Variants in DDX4 observed in about 807,000 individuals in gnomAD.
The protein encoded by DDX4 is probable ATP-dependent RNA helicase DDX4.
DDX4 carries 25 observed loss-of-function variants against 100.0 expected under a neutral mutation model. The ratio of observed to expected loss-of-function variants is 0.25; its 90% CI spans 0.18 to 0.35. The LOEUF (loss-of-function observed/expected upper bound fraction) is 0.35, where lower values mean the gene tolerates loss of function less well. Among genes scored for constraint, DDX4 ranks in the 10% least tolerant of loss-of-function variants. DDX4 has a pLI of 1.00. For synonymous variants in DDX4, 259 were observed against 275.7 expected (o/e 0.94, Z 0.60); for missense variants, 635 against 882.4 (o/e 0.72, Z 3.55).
At chr5:55,808,614 G>A (rs531732200) in intron 18 of DDX4, among the ~76,000 whole-genome samples, 8 of 152,316 alleles carry the variant, frequency 5.3e-5, no homozygotes, top group African/African-American at 1.2e-4. Flanking sequence ...TATCAGCAGC[G>A]GAGGCTGCAG....
At chr5:55,742,499 A>G (rs1014657145) in intron 2 of DDX4, among the ~76,000 whole-genome samples, 1 of 152,238 alleles carries the variant, frequency 6.6e-6, no homozygotes, top group East Asian at 1.9e-4. Context: ...AGATAAGAAA[A>G]TAAACATATA....
intron 18 of DDX4, among the ~76,000 whole-genome samples, chr5:55,800,762 G>A (rs1259360533): frequency 3.3e-5 from 5 of 152,092 alleles, no homozygotes; most frequent in African/African-American, 4.8e-5. Context: ...ATATACTTCT[G>A]TATTATTTAA....
At chr5:55,765,407 A>ATATATAT (rs1225727462) in intron 6 of DDX4, among the ~76,000 whole-genome samples, 22 of 92,930 alleles carry the variant, frequency 2.4e-4, no homozygotes, top group Non-Finnish European at 3.9e-4. Context: ...AAAAAAAAAA[A>ATATATAT]AAAAAAATAT....
Position 55,785,862 on chromosome 5 carries a change from A to T in DDX4, c.855A>T (p.Pro285=). 3.1e-6 allele frequency: 5 copies of T among 1,609,286 alleles called. No homozygotes were observed. The highest frequency in any genetic ancestry group is 4.3e-6 in the Non-Finnish European group (5 of 1,175,716). The part of the protein sequence containing the change: ...LVEVSGHDAP[P]AILTFEEANL... The stretch of plus-strand genomic sequence containing the variant: ...AAGTGTCTGGACATGATGCACCACC[A>T]GCAATTCTGGTCAGTGTATTAATTG... The change falls in exon 13 of 22, where the codon CCA becomes CCT. Residue 285 remains proline, a synonymous_variant. Coordinates refer to ENST00000505374, the MANE Select transcript of DDX4 (RefSeq NM_024415.3).
chr5:55,809,284 C>T (rs1218108941), intron 18 of DDX4, among the ~76,000 whole-genome samples: 9 of 152,182 alleles, frequency 5.9e-5, no homozygotes, highest in African/African-American at 9.6e-5. Context: ...GATGCCTGGC[C>T]GTGCTTCAGC....
At position 55,804,261 on chromosome 5, in the gene DDX4, G is replaced by A. The variant is rs1438051152; in HGVS notation, c.1615+5690G>A. On this transcript the variant is annotated intron_variant, in intron 18 of 21. Coordinates refer to ENST00000505374, the MANE Select transcript of DDX4 (RefSeq NM_024415.3). Reference sequence around the variant, plus strand: ...GAGTAGGTTGCGAAAATTTTCTCCCGTTTTGTAGGTTGCCTGTTCACTCTG... The same window carrying A: ...GAGTAGGTTGCGAAAATTTTCTCCCATTTTGTAGGTTGCCTGTTCACTCTG... 6.7e-3 allele frequency among the ~76,000 whole-genome samples: 1,015 copies of A among 151,526 alleles called. 8 individuals carry two copies. Among genetic ancestry groups the A allele is most frequent in the African/African-American group, 0.022 (907 of 41,030 alleles).
chr5:55,771,990 G>A (rs914385617), intron 7 of DDX4, among the ~76,000 whole-genome samples: 5 of 152,076 alleles, frequency 3.3e-5, no homozygotes, highest in East Asian at 1.9e-4. Flanking sequence ...TTTGGGAGGC[G>A]GGCAGATCAC....
chr5:55,768,119 A>T, intron 7 of DDX4, 179 bp downstream of exon 7: 6 of 588,476 alleles, frequency 1.0e-5, no homozygotes, highest in South Asian at 2.3e-5. Flanking sequence ...CCCTCCTTTC[A>T]CTCTTTTATT....
chr5:55,764,783 T>A (rs564673439), intron 6 of DDX4, among the ~76,000 whole-genome samples: 1 of 152,340 alleles, frequency 6.6e-6, no homozygotes, highest in African/African-American at 2.4e-5. Flanking sequence ...GCCAGTTTTC[T>A]GTTCCATAGA....
At position 55,772,621 on chromosome 5, in the gene DDX4, C is replaced by T. The variant is rs1410174851; in HGVS notation, c.394+4681C>T. ...ATGGGAGGTATTTGGGTCATGGGGG[C>T]GCAGATCTCTCATGAATAGACCTGT... is the stretch of plus-strand genomic sequence containing the variant. On this transcript the variant is annotated intron_variant, in intron 7 of 21. Transcript: ENST00000505374. Among the ~76,000 whole-genome samples the T allele has an allele frequency of 5.3e-5, 8 of 152,140 alleles. 1 individual carries two copies. The highest frequency in any genetic ancestry group is 4.1e-4 in the South Asian group (2 of 4,824).
intron 5 of DDX4, 28 bp from the exon 6 acceptor site, chr5:55,763,986 A>G: frequency 6.5e-7 from 1 of 1,541,838 alleles, no homozygotes; most frequent in Non-Finnish European, 9.0e-7. Flanking sequence ...GAGGTACAGG[A>G]AATTGTTTCA....
At chr5:55,773,209 C>T (rs1709701003) in intron 7 of DDX4, 1 of 152,254 alleles carries the variant, frequency 6.6e-6, no homozygotes, top group Non-Finnish European at 1.5e-5. Flanking sequence ...CCAGGCAGCT[C>T]TCTGGGGCTT....
chr5:55,804,038 A>G (rs1219318981), intron 18 of DDX4, among the ~76,000 whole-genome samples: 2 of 150,990 alleles, frequency 1.3e-5, no homozygotes, highest in African/African-American at 4.9e-5. Flanking sequence ...ATGGTATCTC[A>G]TTGTGGTTTT....
intron 7 of DDX4, among the ~76,000 whole-genome samples, chr5:55,776,832 GAT>G (rs1741593726): frequency 6.6e-6 from 1 of 152,152 alleles, no homozygotes; most frequent in South Asian, 2.1e-4. Context: ...CGAAAAAAAA[GAT>G]ATGTAAAACA....
Position 55,792,423 on chromosome 5 carries a change from C to T in DDX4, c.1303-218C>T, listed in dbSNP as rs562800108. ...TTGCCCAGGCTGGAGTGCAGTGGCG[C>T]GATCTTGCTCACTGCAAGCTCTGCC... On this transcript the variant is annotated intron_variant, in intron 16 of 21. Transcript: ENST00000505374. Among the ~76,000 whole-genome samples the T allele has an allele frequency of 1.2e-4, 18 of 151,302 alleles. 1 individual carries two copies. In the South Asian group the frequency reaches 3.3e-3, roughly 28 times the overall value.
chr5:55,786,999 A>G (rs1219584171), intron 14 of DDX4, among the ~76,000 whole-genome samples: 2 of 152,244 alleles, frequency 1.3e-5, no homozygotes, highest in African/African-American at 4.8e-5. Flanking sequence ...TTTCTGTATT[A>G]TAGCTGGTAC....
intron 2 of DDX4, among the ~76,000 whole-genome samples, chr5:55,739,365 A>G (rs1258082044): frequency 1.3e-5 from 2 of 152,236 alleles, no homozygotes. Flanking sequence ...GAAAACAATA[A>G]TTACGTTTTG....
intron 16 of DDX4, among the ~76,000 whole-genome samples, chr5:55,791,161 G>A (rs529867359): frequency 7.2e-4 from 109 of 152,250 alleles, no homozygotes; most frequent in African/African-American, 2.6e-3. Context: ...TATTAACCAG[G>A]ATTGTTAATT....
At chr5:55,813,609 C>A in intron 18 of DDX4, 64 bp from the exon 19 acceptor site, 2 of 1,476,916 alleles carry the variant, frequency 1.4e-6, no homozygotes, top group Non-Finnish European at 1.8e-6. Flanking sequence ...TGCCTCCTAT[C>A]CCTGCTTTAT....
Sources: gnomAD v4.1 joint callset for allele counts (sites outside exome capture counted in the v4.1 genomes callset) on GRCh38, gnomAD v4.1.1 for gene constraint, MANE v1.5 for transcripts, NCBI Gene and HGNC (gene_info 2026-07-23, HGNC 2026-07-21) for gene names.